The following CCDC85A variants were observed in gnomAD, a reference collection of about 807,000 sequenced individuals.
CCDC85A encodes coiled-coil domain containing 85A.
A neutral mutation model predicts 50.2 loss-of-function variants in CCDC85A; 38 were observed. The ratio of observed to expected loss-of-function variants is 0.76; its 90% CI spans 0.58 to 0.99. The LOEUF (loss-of-function observed/expected upper bound fraction) is 0.99. Among genes scored for constraint, CCDC85A ranks in the 50% least tolerant of loss-of-function variants. CCDC85A has a pLI of 0.00. For synonymous variants in CCDC85A, 366 were observed against 301.4 expected, an observed-to-expected ratio of 1.21 and a Z score of -2.22; for missense variants, 820 against 742.0, an observed-to-expected ratio of 1.11 and a Z score of -1.22.
intron 2 of CCDC85A, among the ~76,000 whole-genome samples, chr2:56,197,479 T>TA: frequency 6.6e-6 from 1 of 152,102 alleles, no homozygotes. Flanking sequence ...TTTGAAAAAA[T>TA]ACTGGTGGCT....
At chr2:56,308,517 C>G (rs1048106779) in intron 2 of CCDC85A, among the ~76,000 whole-genome samples, 1 of 152,082 alleles carries the variant, frequency 6.6e-6, no homozygotes, top group Non-Finnish European at 1.5e-5. Context: ...TCTAGGTAGG[C>G]AGACATGGAA....
At chr2:56,337,422 C>T (rs1227789855) in intron 2 of CCDC85A, among the ~76,000 whole-genome samples, 3 of 152,164 alleles carry the variant, frequency 2.0e-5, no homozygotes, top group South Asian at 2.1e-4. Context: ...ACTGGATTAT[C>T]GTGATTTGAT....
At chr2:56,291,179 C>G (rs183092765) in intron 2 of CCDC85A, among the ~76,000 whole-genome samples, 2 of 152,260 alleles carry the variant, frequency 1.3e-5, no homozygotes, top group Admixed American at 6.5e-5. Context: ...AATGAGAGAA[C>G]TAAGAAAAAC....
At chr2:56,203,378 C>A (rs556271226) in intron 2 of CCDC85A, among the ~76,000 whole-genome samples, 2 of 141,134 alleles carry the variant, frequency 1.4e-5, no homozygotes, top group Non-Finnish European at 3.1e-5. Context: ...TTTTTTTTTT[C>A]TGTATCTCTT....
chr2:56,371,110 A>C (rs1355542411), intron 3 of CCDC85A, among the ~76,000 whole-genome samples: 1 of 152,148 alleles, frequency 6.6e-6, no homozygotes, highest in Non-Finnish European at 1.5e-5. Context: ...TGTTCAAATT[A>C]ATGTTGCTAT....
At chr2:56,361,069 T>G (rs1675498057) in intron 3 of CCDC85A, among the ~76,000 whole-genome samples, 1 of 152,104 alleles carries the variant, frequency 6.6e-6, no homozygotes, top group Non-Finnish European at 1.5e-5. Context: ...CTGGCTAACA[T>G]GTTGAAACCC....
chr2:56,256,833 A>G (rs1670004749), intron 2 of CCDC85A, among the ~76,000 whole-genome samples: 1 of 152,244 alleles, frequency 6.6e-6, no homozygotes, highest in African/African-American at 2.4e-5. Context: ...GTCTGAAAAG[A>G]TTAAAAAGTA....
chr2:56,372,558 G>A, intron 4 of CCDC85A, 80 bp downstream of exon 4: 2 of 1,359,676 alleles, frequency 1.5e-6, no homozygotes, highest in Non-Finnish European at 1.9e-6. Context: ...AAGTTATACT[G>A]GGGGGTAGAA....
chr2:56,298,642 CT>C (rs1186265119), intron 2 of CCDC85A, among the ~76,000 whole-genome samples: 5 of 152,074 alleles, frequency 3.3e-5, no homozygotes, highest in Non-Finnish European at 4.4e-5. Flanking sequence ...TTTTTAAAAA[CT>C]TTTTCTAGGA....
chr2:56,203,306 G>A (rs1465667205), intron 2 of CCDC85A, among the ~76,000 whole-genome samples: 1 of 152,018 alleles, frequency 6.6e-6, no homozygotes, highest in Non-Finnish European at 1.5e-5. Context: ...TGACTTTCAT[G>A]AGAAACAGTT....
intron 3 of CCDC85A, among the ~76,000 whole-genome samples, chr2:56,366,484 A>G (rs1366265458): frequency 6.6e-6 from 1 of 152,194 alleles, no homozygotes; most frequent in Middle Eastern, 3.4e-3. Context: ...TTTAATTTGT[A>G]TTTTTCTCTT....
chr2:56,331,679 A>G (rs1673803465), intron 2 of CCDC85A, among the ~76,000 whole-genome samples: 1 of 152,106 alleles, frequency 6.6e-6, no homozygotes. Context: ...TTAGATGTTC[A>G]TTTATTTATT....
rs1473856076 is a variant in CCDC85A, at chr2:56,305,595, C to A, written c.1241-37284C>A. Among the ~76,000 whole-genome samples the A allele has an allele frequency of 2.0e-5, 3 of 152,194 alleles. No individual in the cohort carries two copies. In the East Asian group the frequency reaches 5.8e-4, roughly 29 times the overall value. On this transcript the variant is annotated intron_variant, in intron 2 of 5. Transcript: ENST00000407595. ...TAGATAATAATGTTTTCAAGAGATT[C>A]TATAATTTGTATATTTGCCTCACAG...
intron 5 of CCDC85A, among the ~76,000 whole-genome samples, chr2:56,382,576 G>C (rs569927526): frequency 5.9e-5 from 9 of 152,074 alleles, no homozygotes; most frequent in South Asian, 4.1e-4. Flanking sequence ...CCTGAGGACA[G>C]TTGAAATACC....
At chr2:56,347,754 G>C (rs1367395852) in intron 3 of CCDC85A, among the ~76,000 whole-genome samples, 1 of 152,178 alleles carries the variant, frequency 6.6e-6, no homozygotes, top group Non-Finnish European at 1.5e-5. Context: ...TACAGTCATG[G>C]TTTTAAAACT....
At chr2:56,314,675 A>G (rs1191079708) in intron 2 of CCDC85A, among the ~76,000 whole-genome samples, 1 of 152,112 alleles carries the variant, frequency 6.6e-6, no homozygotes, top group Non-Finnish European at 1.5e-5. Context: ...ATTGGAAGGG[A>G]TATAGCTTGG....
chr2:56,366,389 C>G (rs918312106), intron 3 of CCDC85A, among the ~76,000 whole-genome samples: 4 of 152,142 alleles, frequency 2.6e-5, no homozygotes, highest in Non-Finnish European at 5.9e-5. Context: ...TGCAAGGGTT[C>G]CCATCTCTCC....
intron 1 of CCDC85A, among the ~76,000 whole-genome samples, chr2:56,186,107 T>A (rs1022869782): frequency 6.6e-6 from 1 of 152,186 alleles, no homozygotes; most frequent in East Asian, 1.9e-4. Context: ...CAGGTGGAGA[T>A]GGCCGTCTCC....
intron 3 of CCDC85A, among the ~76,000 whole-genome samples, chr2:56,359,140 T>C (rs756665051): frequency 7.2e-5 from 11 of 152,136 alleles, no homozygotes; most frequent in Non-Finnish European, 1.3e-4. Flanking sequence ...TCCTAATATT[T>C]GCTACTTATT....
Sources: gnomAD v4.1 joint callset for allele counts (sites outside exome capture counted in the v4.1 genomes callset) on GRCh38, gnomAD v4.1.1 for gene constraint, MANE v1.5 for transcripts, NCBI Gene and HGNC (gene_info 2026-07-23, HGNC 2026-07-21) for gene names.